CFAP221: variants seen among roughly 807,000 people sequenced by gnomAD.
The protein encoded by CFAP221 is cilia and flagella associated protein 221.
Under a neutral mutation model 113.1 loss-of-function variants are expected in CFAP221, and 97 were observed. That is an observed-to-expected ratio of 0.86 (90% confidence interval 0.73 to 1.02). The LOEUF is 1.02. Ranked by LOEUF, CFAP221 falls within the 50% of genes least tolerant of loss-of-function variation. The pLI is 0.00. For synonymous variants in CFAP221, 331 were observed against 354.4 expected (o/e 0.93, Z 0.74); for missense variants, 1,025 against 1,013.4 (o/e 1.01, Z -0.16).
chr2:119,639,606 T>A (rs1687355808), intron 20 of CFAP221, among the ~76,000 whole-genome samples, 175 bp from the exon 21 acceptor site: 1 of 152,268 alleles, frequency 6.6e-6, no homozygotes, highest in Non-Finnish European at 1.5e-5. Context: ...TTGCACTGTT[T>A]AATGTGCTTT....
chr2:119,550,495 A>T (rs1680342694), intron 3 of CFAP221, among the ~76,000 whole-genome samples: 1 of 152,226 alleles, frequency 6.6e-6, no homozygotes, highest in South Asian at 2.1e-4. Context: ...CTTATTAGGA[A>T]CTTCACCCAT....
chr2:119,659,023 C>T (rs998408556), downstream of CFAP221, among the ~76,000 whole-genome samples: 4 of 143,040 alleles, frequency 2.8e-5, no homozygotes, highest in African/African-American at 2.6e-5. Context: ...AAAAAAAAAA[C>T]GCATTGATAC....
chr2:119,547,790 G>T (rs889030223), intron 2 of CFAP221, among the ~76,000 whole-genome samples: 1 of 152,100 alleles, frequency 6.6e-6, no homozygotes, highest in African/African-American at 2.4e-5. Flanking sequence ...ACCCACTTCA[G>T]ATGTATCCTA....
At chr2:119,558,247 G>A (rs1486336715) in intron 3 of CFAP221, among the ~76,000 whole-genome samples, 5 of 152,036 alleles carry the variant, frequency 3.3e-5, no homozygotes, top group Non-Finnish European at 4.4e-5. Context: ...ATCCTCAGGC[G>A]GGCCCTGTCA....
chr2:119,585,554 G>C (rs1471493769), intron 6 of CFAP221, among the ~76,000 whole-genome samples: 1 of 152,140 alleles, frequency 6.6e-6, no homozygotes, highest in East Asian at 1.9e-4. Context: ...CAAAAGATTT[G>C]TTAGAGCTCA....
chr2:119,656,850 G>A (rs1339051858), downstream of CFAP221, among the ~76,000 whole-genome samples: 1 of 151,990 alleles, frequency 6.6e-6, no homozygotes, highest in Admixed American at 6.6e-5. Context: ...CCATCCCTGG[G>A]GCATCACTAG....
At chr2:119,601,661 C>T in intron 8 of CFAP221, 1 of 281,498 alleles carries the variant, frequency 3.6e-6, no homozygotes, top group Non-Finnish European at 6.6e-6. Flanking sequence ...AATTTTTTTA[C>T]CATATGCATG....
At chr2:119,591,482 A>G (rs1300492958) in intron 7 of CFAP221, among the ~76,000 whole-genome samples, 1 of 152,196 alleles carries the variant, frequency 6.6e-6, no homozygotes, top group Non-Finnish European at 1.5e-5. Flanking sequence ...GATGTTCATA[A>G]TTGCTTCTAT....
chr2:119,590,096 A>G (rs1683495083), intron 7 of CFAP221: 1 of 152,216 alleles, frequency 6.6e-6, no homozygotes, highest in Admixed American at 6.5e-5. Flanking sequence ...ATGCTAGGGA[A>G]GAATGCATCT....
intron 3 of CFAP221, among the ~76,000 whole-genome samples, chr2:119,554,134 C>T (rs548168611): frequency 6.6e-6 from 1 of 152,282 alleles, no homozygotes; most frequent in African/African-American, 2.4e-5. Context: ...GAAATTCTTG[C>T]CAAACAAGGT....
chr2:119,555,429 A>G (rs559333662), intron 3 of CFAP221, among the ~76,000 whole-genome samples: 1 of 152,322 alleles, frequency 6.6e-6, no homozygotes, highest in East Asian at 1.9e-4. Flanking sequence ...TTATGTTTTC[A>G]AATAAACTCT....
intron 4 of CFAP221, 62 bp downstream of exon 4, chr2:119,559,837 G>T (rs992354037): frequency 1.4e-6 from 2 of 1,473,566 alleles, no homozygotes; most frequent in Admixed American, 2.0e-5. Flanking sequence ...AGGCCTGTGT[G>T]GGGTGGGGGG....
chr2:119,616,994 CTG>C (rs755842280), intron 14 of CFAP221, among the ~76,000 whole-genome samples: 2 of 152,248 alleles, frequency 1.3e-5, no homozygotes, highest in Non-Finnish European at 2.9e-5. Flanking sequence ...GCACTAATTC[CTG>C]GTGCTGCTTC....
chr2:119,634,113 A>G (rs1182588297), intron 19 of CFAP221, among the ~76,000 whole-genome samples: 1 of 152,124 alleles, frequency 6.6e-6, no homozygotes, highest in East Asian at 1.9e-4. Context: ...GTCTCGAATA[A>G]TAATAATAAT....
intron 3 of CFAP221, among the ~76,000 whole-genome samples, chr2:119,559,446 G>A (rs2104534200): frequency 6.6e-6 from 1 of 151,510 alleles, no homozygotes; most frequent in East Asian, 2.0e-4. Context: ...GGGTGGGAGG[G>A]TACTGCAGGT....
In CFAP221 at chr2:119,559,762, A is replaced by G; in HGVS notation, c.314A>G (p.Asn105Ser). 2 of 1,525,374 alleles carry G rather than the reference A, an allele frequency of 1.3e-6. No individual in the cohort carries two copies. Among genetic ancestry groups the G allele is most frequent in the Non-Finnish European group, 1.8e-6 (2 of 1,137,182 alleles). The allele number at this position is 1,525,374 out of a possible 1,614,324, so 94.5% of individuals were successfully genotyped here. A position where few individuals can be genotyped will look rare whatever the true frequency, so the allele number is the denominator to read the frequency against. Residue 105 changes from asparagine to serine, a missense_variant, in exon 4 of 24, where the codon AAT (asparagine) becomes AGT (serine). Coordinates refer to ENST00000413369, the MANE Select transcript of CFAP221 (RefSeq NM_001271049.2). ...LPPQTKYFEI[N>S]YVRKEHHLVP... ...CCGCAAACCAAATACTTTGAGATCA[A>G]TTATGTAAGAAAGGTAAGCGTCATT...
chr2:119,645,086 C>G (rs1687720591), intron 21 of CFAP221, among the ~76,000 whole-genome samples: 2 of 131,796 alleles, frequency 1.5e-5, no homozygotes. Context: ...TTTTCTCTTT[C>G]TTTTCTCATT....
chr2:119,654,348 G>A (rs1558677169), intron 23 of CFAP221, among the ~76,000 whole-genome samples: 1 of 152,056 alleles, frequency 6.6e-6, no homozygotes, highest in Non-Finnish European at 1.5e-5. Context: ...ACACATAGAT[G>A]CACTTTGTGT....
chr2:119,617,020 A>G (rs1685573904), intron 14 of CFAP221, among the ~76,000 whole-genome samples: 1 of 152,136 alleles, frequency 6.6e-6, no homozygotes, highest in Admixed American at 6.5e-5. Context: ...GCACTTTCTG[A>G]TCCTGGACAA....
Sources: gnomAD v4.1 joint callset for allele counts (sites outside exome capture counted in the v4.1 genomes callset) on GRCh38, gnomAD v4.1.1 for gene constraint, MANE v1.5 for transcripts, NCBI Gene and HGNC (gene_info 2026-07-23, HGNC 2026-07-21) for gene names.